Variants in FGGY observed in about 807,000 individuals in gnomAD.
The protein encoded by FGGY is FGGY carbohydrate kinase domain containing.
A neutral mutation model predicts 71.3 loss-of-function variants in FGGY; 72 were observed. That is an observed-to-expected ratio of 1.01 (90% confidence interval 0.84 to 1.23). The LOEUF is 1.23. Ranked by LOEUF, FGGY falls within the 50% of genes most tolerant of loss-of-function variation. FGGY has a pLI of 0.00. For missense variants in FGGY, 668 were observed against 682.3 expected (o/e 0.98, Z 0.23); for synonymous variants, 251 against 250.3 (o/e 1.00, Z -0.02).
chr1:59,383,373 A>T lies in FGGY; in HGVS notation c.554+4536A>T, dbSNP rs868356628. 2.6e-5 allele frequency among the ~76,000 whole-genome samples: 4 copies of T among 152,246 alleles called. No homozygotes were observed. The South Asian group carries it at 8.3e-4, about 32-fold the overall frequency. ...GATGTGACACTGAGTGAGAGATTGG[A>T]AGTGTTTTAAAGGCCTAATGAATTT... On this transcript the variant is annotated intron_variant, in intron 5 of 15. Transcript: ENST00000303721.
intron 4 of FGGY, among the ~76,000 whole-genome samples, chr1:59,356,940 A>AC (rs986981574): frequency 1.3e-5 from 2 of 151,616 alleles, no homozygotes; most frequent in Non-Finnish European, 2.9e-5. Flanking sequence ...TGCTCCCTTC[A>AC]CCCCCCAGGA....
At chr1:59,379,563 A>C (rs1291549225) in intron 5 of FGGY, among the ~76,000 whole-genome samples, 3 of 152,286 alleles carry the variant, frequency 2.0e-5, no homozygotes, top group Non-Finnish European at 4.4e-5. Context: ...GATTGAATGC[A>C]GAGGCCTAGG....
At chr1:59,484,999 AG>A (rs71580900) in intron 6 of FGGY, among the ~76,000 whole-genome samples, 2 of 152,150 alleles carry the variant, frequency 1.3e-5, no homozygotes, top group East Asian at 3.8e-4. Context: ...TCACACCCAT[AG>A]GGGGGATGTG....
intron 7 of FGGY, among the ~76,000 whole-genome samples, chr1:59,533,798 CAGAA>C (rs767313467): frequency 2.6e-5 from 4 of 152,216 alleles, no homozygotes; most frequent in Non-Finnish European, 4.4e-5. Flanking sequence ...AACTAACAAA[CAGAA>C]AGGACATCCA....
chr1:59,309,438 T>C (rs541320501), intron 1 of FGGY, among the ~76,000 whole-genome samples: 5 of 152,144 alleles, frequency 3.3e-5, no homozygotes, highest in African/African-American at 1.2e-4. Context: ...AGTACGAAGG[T>C]TGAGGTTAGG....
At chr1:59,711,664 C>T (rs1453731552) in intron 14 of FGGY, among the ~76,000 whole-genome samples, 2 of 152,166 alleles carry the variant, frequency 1.3e-5, no homozygotes, top group Non-Finnish European at 2.9e-5. Flanking sequence ...AGGAGCAAGT[C>T]ACATCTTACA....
intron 3 of FGGY, among the ~76,000 whole-genome samples, chr1:59,342,714 G>A (rs1156707281): frequency 6.6e-6 from 1 of 152,128 alleles, no homozygotes; most frequent in East Asian, 1.9e-4. Context: ...TTGGCTAATG[G>A]GAGTAATTGT....
chr1:59,741,667 G>A (rs551762442), intron 14 of FGGY, among the ~76,000 whole-genome samples: 7 of 152,106 alleles, frequency 4.6e-5, no homozygotes, highest in East Asian at 1.9e-4. Context: ...ATTGCCAGGC[G>A]GGCGAGGCGC....
chr1:59,665,886 G>A (rs2097319927), intron 12 of FGGY, among the ~76,000 whole-genome samples: 1 of 152,082 alleles, frequency 6.6e-6, no homozygotes, highest in South Asian at 2.1e-4. Flanking sequence ...TATTAGCCAG[G>A]ATGGTCCCGA....
At chr1:59,586,539 G>A (rs1285738937) in intron 8 of FGGY, among the ~76,000 whole-genome samples, 1 of 152,092 alleles carries the variant, frequency 6.6e-6, no homozygotes, top group Non-Finnish European at 1.5e-5. Flanking sequence ...GATAGCATTA[G>A]GAGATATACC....
intron 14 of FGGY, among the ~76,000 whole-genome samples, chr1:59,674,353 T>C (rs1452672258): frequency 1.7e-4 from 26 of 152,098 alleles, no homozygotes; most frequent in Admixed American, 1.7e-3. Context: ...TTTTCAGTTG[T>C]TTTTTTTCTT....
chr1:59,708,816 C>G (rs2097773683), intron 14 of FGGY, among the ~76,000 whole-genome samples: 1 of 152,136 alleles, frequency 6.6e-6, no homozygotes, highest in Non-Finnish European at 1.5e-5. Flanking sequence ...ACTTTTTGAG[C>G]ACTGATATGA....
At chr1:59,595,860 T>C (rs1349836709) in intron 8 of FGGY, among the ~76,000 whole-genome samples, 2 of 152,284 alleles carry the variant, frequency 1.3e-5, no homozygotes, top group South Asian at 4.1e-4. Context: ...ATACCCTAGA[T>C]AGCCTATTCC....
chr1:59,712,638 A>T (rs1048714099), intron 14 of FGGY, among the ~76,000 whole-genome samples: 2 of 152,218 alleles, frequency 1.3e-5, no homozygotes, highest in African/African-American at 2.4e-5. Flanking sequence ...GTTCAGCACT[A>T]CATGGAAGCT....
chr1:59,610,808 C>A (rs1297080827), intron 9 of FGGY, among the ~76,000 whole-genome samples: 1 of 152,226 alleles, frequency 6.6e-6, no homozygotes, highest in Non-Finnish European at 1.5e-5. Flanking sequence ...TGGGTCACTC[C>A]CACACGGCTA....
chr1:59,608,320 G>A (rs2096643245), intron 9 of FGGY, among the ~76,000 whole-genome samples: 1 of 152,084 alleles, frequency 6.6e-6, no homozygotes, highest in Admixed American at 6.5e-5. Flanking sequence ...CCACACATGT[G>A]CCTGTAATTT....
intron 8 of FGGY, among the ~76,000 whole-genome samples, chr1:59,572,529 G>A (rs996807711): frequency 6.6e-6 from 1 of 152,136 alleles, no homozygotes. Flanking sequence ...TACAAAGGAT[G>A]GAAATAATTC....
chr1:59,751,938 A>C (rs1409726640), intron 14 of FGGY, among the ~76,000 whole-genome samples: 1 of 152,188 alleles, frequency 6.6e-6, no homozygotes, highest in African/African-American at 2.4e-5. Context: ...GGAACATGCA[A>C]ACGACAACAT....
intron 9 of FGGY, among the ~76,000 whole-genome samples, chr1:59,613,256 G>A (rs114044638): frequency 0.037 from 5,650 of 152,058 alleles, 210 homozygotes; most frequent in African/African-American, 0.099. Flanking sequence ...AAGTAAAGAC[G>A]TCCTCAGCAA....
Sources: allele counts gnomAD v4.1 joint callset (sites outside exome capture counted in the v4.1 genomes callset), GRCh38; gene constraint gnomAD v4.1.1; transcripts MANE v1.5; gene names NCBI Gene and HGNC (gene_info 2026-07-23, HGNC 2026-07-21).